Variants in PACRG observed in about 807,000 individuals in gnomAD.
PACRG encodes the protein parkin coregulated gene protein.
A neutral mutation model predicts 29.7 loss-of-function variants in PACRG; 29 were observed. The observed-to-expected ratio is 0.98, with a 90% confidence interval of 0.73 to 1.33. The LOEUF (loss-of-function observed/expected upper bound fraction) is 1.33, where lower values mean the gene tolerates loss of function less well. Ranked by LOEUF, PACRG falls within the 40% of genes most tolerant of loss-of-function variation. The pLI is 0.00. For missense variants in PACRG, 279 were observed against 316.2 expected, an observed-to-expected ratio of 0.88 and a Z score of 0.89; for synonymous variants, 116 against 118.7, an observed-to-expected ratio of 0.98 and a Z score of 0.15.
intron 4 of PACRG, chr6:163,245,033 T>C: frequency 2.2e-6 from 1 of 455,716 alleles, no homozygotes; most frequent in Non-Finnish European, 4.4e-6. Flanking sequence ...TCTACCATCA[T>C]TGTATGTAAA....
chr6:163,221,826 C>A (rs1243477073), intron 4 of PACRG, among the ~76,000 whole-genome samples: 1 of 151,944 alleles, frequency 6.6e-6, no homozygotes, highest in East Asian at 1.9e-4. Flanking sequence ...GACTTCCCTG[C>A]CAGGCACAGG....
intron 4 of PACRG, chr6:163,170,722 A>G (rs1166800448): frequency 2.6e-5 from 4 of 152,224 alleles, no homozygotes; most frequent in Admixed American, 2.0e-4. Flanking sequence ...CACGCAGTCT[A>G]TGCATCTGGG....
At chr6:162,871,103 G>A (rs1219873547) in intron 2 of PACRG, among the ~76,000 whole-genome samples, 1 of 152,142 alleles carries the variant, frequency 6.6e-6, no homozygotes, top group Non-Finnish European at 1.5e-5. Context: ...GTGATGTGGG[G>A]GTGGTAACAT....
intron 2 of PACRG, among the ~76,000 whole-genome samples, chr6:162,822,801 C>T (rs562900213): frequency 6.6e-6 from 1 of 152,060 alleles, no homozygotes; most frequent in Non-Finnish European, 1.5e-5. Context: ...ACAATTGCTT[C>T]CCTTCATATC....
intron 1 of PACRG, among the ~76,000 whole-genome samples, chr6:162,765,947 C>T (rs1255020310): frequency 6.6e-6 from 1 of 151,844 alleles, no homozygotes; most frequent in East Asian, 1.9e-4. Flanking sequence ...TTTTAGTTGA[C>T]AAATAATATT....
intron 4 of PACRG, among the ~76,000 whole-genome samples, chr6:163,250,706 T>C (rs1256267358): frequency 6.6e-6 from 1 of 152,220 alleles, no homozygotes; most frequent in Admixed American, 6.5e-5. Flanking sequence ...AAAAAGATAC[T>C]TGCACAAGCA....
intron 2 of PACRG, among the ~76,000 whole-genome samples, chr6:162,901,291 C>A (rs1441369611): frequency 6.6e-6 from 1 of 152,068 alleles, no homozygotes; most frequent in Non-Finnish European, 1.5e-5. Context: ...ATGTAATAGC[C>A]TTTTTGGGAA....
intron 4 of PACRG, among the ~76,000 whole-genome samples, chr6:163,179,707 C>CAAA (rs200887172): frequency 7.7e-5 from 8 of 103,916 alleles, no homozygotes; most frequent in African/African-American, 2.4e-4. Flanking sequence ...AGATCTGTCT[C>CAAA]AAAAAAAAAA....
intron 4 of PACRG, among the ~76,000 whole-genome samples, chr6:163,133,176 G>T (rs1304086669): frequency 3.3e-5 from 5 of 152,194 alleles, no homozygotes; most frequent in Non-Finnish European, 7.3e-5. Flanking sequence ...CTAGTCACAA[G>T]GTTGATGTTG....
intron 2 of PACRG, among the ~76,000 whole-genome samples, chr6:162,948,920 T>TA (rs1799444711): frequency 6.6e-6 from 1 of 152,042 alleles, no homozygotes; most frequent in Admixed American, 6.5e-5. Context: ...TAAATTATTA[T>TA]AGCCAGTATG....
intron 2 of PACRG, among the ~76,000 whole-genome samples, chr6:162,904,052 AG>A (rs1795761394): frequency 6.6e-6 from 1 of 152,210 alleles, no homozygotes; most frequent in Non-Finnish European, 1.5e-5. Context: ...GCAGACTGAT[AG>A]GCAGGAAACT....
Position 163,314,943 on chromosome 6 carries a change from A to G in PACRG, c.730A>G (p.Ile244Val), listed in dbSNP as rs1380920856. Reference protein sequence around the residue: ...RYGGENAFINIKYVVPTYESC... With the variant: ...RYGGENAFINVKYVVPTYESC... ...CGGAGGAGAAAATGCCTTTATCAAC[A>G]TTAAGTACGTGGTCCCAACCTACGA... The change falls in exon 5 of 5, where the codon ATT (isoleucine) becomes GTT (valine). Residue 244 changes from isoleucine (I) to valine (V), a missense_variant. Physicochemically the swap from Ile to Val is conservative, Grantham distance 29 (BLOSUM62 3). Coordinates refer to ENST00000366888, the MANE Select transcript of PACRG (RefSeq NM_001080379.2). 2 of 1,614,042 alleles carry G rather than the reference A, an allele frequency of 1.2e-6. No homozygotes were observed. The highest frequency in any genetic ancestry group is 1.7e-6 in the Non-Finnish European group (2 of 1,180,038).
At chr6:162,747,342 ATATAT>A (rs1781084116) in intron 1 of PACRG, among the ~76,000 whole-genome samples, 1 of 71,264 alleles carries the variant, frequency 1.4e-5, no homozygotes, top group Non-Finnish European at 2.4e-5. Flanking sequence ...ATATATATAT[ATATAT>A]ATATATATAT....
intron 2 of PACRG, among the ~76,000 whole-genome samples, chr6:162,943,950 C>G (rs1798813440): frequency 6.6e-6 from 1 of 152,154 alleles, no homozygotes; most frequent in Non-Finnish European, 1.5e-5. Flanking sequence ...ATCCAGGTGC[C>G]TGAGGACCCA....
intron 2 of PACRG, among the ~76,000 whole-genome samples, chr6:162,981,332 G>A (rs1802414566): frequency 4.1e-5 from 6 of 146,300 alleles, no homozygotes; most frequent in Admixed American, 4.1e-4. Context: ...TATAGAACCA[G>A]CCTAAATTCC....
At chr6:162,781,418 C>A (rs1055151131) in intron 1 of PACRG, among the ~76,000 whole-genome samples, 3 of 151,686 alleles carry the variant, frequency 2.0e-5, no homozygotes, top group African/African-American at 7.3e-5. Flanking sequence ...ATAGAAGAAA[C>A]CCTGTGTCTA....
chr6:163,196,907 T>A (rs1025396107), intron 4 of PACRG, among the ~76,000 whole-genome samples: 1 of 145,348 alleles, frequency 6.9e-6, no homozygotes. Context: ...GTAGACAGAC[T>A]AGACAGACAG....
chr6:163,260,120 C>G (rs1245496060), intron 4 of PACRG, among the ~76,000 whole-genome samples: 1 of 152,232 alleles, frequency 6.6e-6, no homozygotes, highest in Non-Finnish European at 1.5e-5. Flanking sequence ...CATCCCCCTT[C>G]CCTTCCCGAT....
At chr6:162,994,821 G>GT (rs1181127515) in intron 2 of PACRG, among the ~76,000 whole-genome samples, 1 of 151,056 alleles carries the variant, frequency 6.6e-6, no homozygotes, top group Non-Finnish European at 1.5e-5. Flanking sequence ...GGCGCTCTGC[G>GT]TTTTAGAGTT....
Sources: allele counts gnomAD v4.1 joint callset (sites outside exome capture counted in the v4.1 genomes callset), GRCh38; gene constraint gnomAD v4.1.1; transcripts MANE v1.5; gene names NCBI Gene and HGNC (gene_info 2026-07-23, HGNC 2026-07-21).